The following CDH4 variants were observed in gnomAD, a reference collection of about 807,000 sequenced individuals.
The protein encoded by CDH4 is cadherin-4.
Under a neutral mutation model 86.0 loss-of-function variants are expected in CDH4, and 33 were observed. The ratio of observed to expected loss-of-function variants is 0.38; its 90% CI spans 0.29 to 0.51. CDH4 has a LOEUF of 0.51. CDH4 is among the 20% of genes least tolerant of loss of function. CDH4 has a pLI of 0.86. For synonymous variants in CDH4, 555 were observed against 549.4 expected (o/e 1.01, Z -0.14); for missense variants, 1,114 against 1,307.4 (o/e 0.85, Z 2.28).
chr20:61,803,167 G>A (rs1979926158), intron 4 of CDH4, among the ~76,000 whole-genome samples: 1 of 151,702 alleles, frequency 6.6e-6, no homozygotes, highest in African/African-American at 2.4e-5. Flanking sequence ...TGTGCTGTGG[G>A]GTCCCGTCGT....
intron 2 of CDH4, among the ~76,000 whole-genome samples, chr20:61,573,904 C>T (rs1348127432): frequency 2.0e-5 from 3 of 152,224 alleles, no homozygotes; most frequent in Non-Finnish European, 4.4e-5. Context: ...TCCCCTCGCT[C>T]ACCTCCCTGC....
At chr20:61,776,582 AG>A (rs2088845306) in intron 4 of CDH4, among the ~76,000 whole-genome samples, 1 of 152,242 alleles carries the variant, frequency 6.6e-6, no homozygotes, top group Non-Finnish European at 1.5e-5. Context: ...CTCCATGCCC[AG>A]AACGTCACTG....
intron 2 of CDH4, among the ~76,000 whole-genome samples, chr20:61,309,302 C>G (rs17204298): frequency 6.6e-6 from 1 of 152,044 alleles, no homozygotes; most frequent in African/African-American, 2.4e-5. Flanking sequence ...TGGATGGGGG[C>G]GCCTCACTGT....
chr20:61,757,127 C>T (rs1270467740), intron 3 of CDH4, among the ~76,000 whole-genome samples: 2 of 152,172 alleles, frequency 1.3e-5, no homozygotes, highest in African/African-American at 2.4e-5. Flanking sequence ...GTTCAGACAC[C>T]GTCACCAGCA....
chr20:61,418,117 T>G (rs894005226), intron 2 of CDH4, among the ~76,000 whole-genome samples: 1 of 152,148 alleles, frequency 6.6e-6, no homozygotes, highest in Non-Finnish European at 1.5e-5. Context: ...CCATTGGCTT[T>G]GTGCTGGCCC....
At chr20:61,463,238 C>G (rs1401463841) in intron 2 of CDH4, among the ~76,000 whole-genome samples, 3 of 152,162 alleles carry the variant, frequency 2.0e-5, no homozygotes, top group Non-Finnish European at 4.4e-5. Flanking sequence ...TGCCCAGTTT[C>G]TGGTATGTCT....
In CDH4 at chr20:61,703,762, A is replaced by G. The variant is rs931412442; in HGVS notation, c.170-39801A>G. On this transcript the variant is annotated intron_variant, in intron 2 of 15. Transcript: ENST00000614565. This position sits in a 1 kb window ranked among gnomAD's most constrained non-coding sequence, Gnocchi z 4.3. ...TCTGTGTCTGCATCAGACCCTGTGC[A>G]CTATTCAGCCTCCCTCCCCTGACTG... 1.1e-4 allele frequency among the ~76,000 whole-genome samples: 16 copies of G among 152,244 alleles called. No individual in the cohort carries two copies. Among genetic ancestry groups the G allele is most frequent in the Non-Finnish European group, 7.3e-5 (5 of 68,046 alleles).
intron 2 of CDH4, among the ~76,000 whole-genome samples, chr20:61,704,318 A>T (rs2087807410): frequency 6.6e-6 from 1 of 152,124 alleles, no homozygotes; most frequent in East Asian, 1.9e-4. Context: ...CATTCTCAGA[A>T]TGGGCTTTTG....
chr20:61,495,479 C>T (rs62200945), intron 2 of CDH4, among the ~76,000 whole-genome samples: 51,716 of 151,842 alleles, frequency 0.34, 10,706 homozygotes, highest in Admixed American at 0.48. Context: ...CAGCCCGGGA[C>T]TGCCCAGCAG....
chr20:61,933,491 C>T (rs934894055), intron 14 of CDH4, among the ~76,000 whole-genome samples: 1 of 152,202 alleles, frequency 6.6e-6, no homozygotes, highest in Non-Finnish European at 1.5e-5. Context: ...GTGCACCAGG[C>T]GCCCGGGAGG....
intron 2 of CDH4, among the ~76,000 whole-genome samples, chr20:61,737,874 C>G (rs1351463028): frequency 1.3e-5 from 2 of 152,230 alleles, no homozygotes; most frequent in Non-Finnish European, 2.9e-5. Flanking sequence ...TCCTCAAGGT[C>G]ACAGAGACAG....
At chr20:61,804,224 C>T (rs971798723) in intron 4 of CDH4, among the ~76,000 whole-genome samples, 1 of 152,228 alleles carries the variant, frequency 6.6e-6, no homozygotes, top group Non-Finnish European at 1.5e-5. Context: ...GAGATTCGCC[C>T]TCAGGTGAGG....
intron 2 of CDH4, among the ~76,000 whole-genome samples, chr20:61,316,920 G>T (rs2084479311): frequency 6.6e-6 from 1 of 152,194 alleles, no homozygotes; most frequent in Admixed American, 6.5e-5. Flanking sequence ...CCTCCCTCAG[G>T]TGCGTGCAGC....
chr20:61,810,910 C>T lies in CDH4; in HGVS notation c.577-33758C>T, dbSNP rs1315955549. Among the ~76,000 whole-genome samples, 1 of 152,144 alleles carries T rather than the reference C, an allele frequency of 6.6e-6. No individual in the cohort carries two copies. The highest frequency in any genetic ancestry group is 2.4e-5 in the African/African-American group (1 of 41,424). Reference sequence around the variant, plus strand: ...AGGGTATGGCCGCTCCAGGAAGCTTCGAGACGGGGGCTGCAGGAGCCTGCA... The same window carrying T: ...AGGGTATGGCCGCTCCAGGAAGCTTTGAGACGGGGGCTGCAGGAGCCTGCA... On this transcript the variant is annotated intron_variant, in intron 4 of 15. Coordinates refer to ENST00000614565, the MANE Select transcript of CDH4 (RefSeq NM_001794.5). The surrounding 1 kb of genome is among the most constrained non-coding windows in gnomAD (Gnocchi z 4.3).
At chr20:61,307,470 C>T (rs568187346) in intron 2 of CDH4, among the ~76,000 whole-genome samples, 28 of 152,356 alleles carry the variant, frequency 1.8e-4, no homozygotes, top group African/African-American at 4.8e-4. Flanking sequence ...ACACACGTTG[C>T]GCGTATCATT....
intron 2 of CDH4, among the ~76,000 whole-genome samples, chr20:61,497,439 A>C (rs984032302): frequency 6.6e-6 from 1 of 152,230 alleles, no homozygotes; most frequent in African/African-American, 2.4e-5. Context: ...GGCTACTGAA[A>C]GATTTGGGGT....
At chr20:61,317,312 G>A (rs755141732) in intron 2 of CDH4, among the ~76,000 whole-genome samples, 93 of 152,276 alleles carry the variant, frequency 6.1e-4, no homozygotes, top group Non-Finnish European at 5.6e-4. Context: ...CCGGTTTCAC[G>A]CCATTCTCCT....
chr20:61,932,113 A>G (rs1294324378), intron 13 of CDH4, among the ~76,000 whole-genome samples: 1 of 152,052 alleles, frequency 6.6e-6, no homozygotes, highest in Admixed American at 6.6e-5. Context: ...AGTGATTCCT[A>G]CCAAGACACT....
At chr20:61,562,279 T>G (rs1600760555) in intron 2 of CDH4, among the ~76,000 whole-genome samples, 2 of 76,044 alleles carry the variant, frequency 2.6e-5, no homozygotes, top group African/African-American at 6.0e-5. Flanking sequence ...TGTGGAGAGG[T>G]GGACCCCAGG....
Sources: gnomAD v4.1 joint callset for allele counts (sites outside exome capture counted in the v4.1 genomes callset) on GRCh38, gnomAD v4.1.1 for gene constraint, Gnocchi (gnomAD v3.1) non-coding constraint, MANE v1.5 for transcripts, NCBI Gene and HGNC (gene_info 2026-07-23, HGNC 2026-07-21) for gene names.